The following UBE2R2 variants were observed in gnomAD, a reference collection of about 807,000 sequenced individuals.
The protein encoded by UBE2R2 is ubiquitin conjugating enzyme E2 R2, also known as ubiquitin-conjugating enzyme E2 R2.
UBE2R2 carries 1 observed loss-of-function variant against 27.8 expected under a neutral mutation model. The ratio of observed to expected loss-of-function variants is 0.04; its 90% CI spans 0.01 to 0.17. The LOEUF is 0.17. Among genes scored for constraint, UBE2R2 ranks in the 10% least tolerant of loss-of-function variants. The pLI is 1.00. For missense variants in UBE2R2, 100 were observed against 291.0 expected (o/e 0.34, Z 4.78); for synonymous variants, 106 against 113.3 (o/e 0.94, Z 0.41).
intron 1 of UBE2R2, among the ~76,000 whole-genome samples, chr9:33,839,876 A>G (rs1820695036): frequency 6.6e-6 from 1 of 152,066 alleles, no homozygotes; most frequent in Non-Finnish European, 1.5e-5. Context: ...TCTACCTGTA[A>G]TCTTAGCTAC....
At chr9:33,864,127 T>C (rs1418136442) in intron 1 of UBE2R2, among the ~76,000 whole-genome samples, 2 of 152,142 alleles carry the variant, frequency 1.3e-5, no homozygotes, top group East Asian at 3.8e-4. Context: ...ATGTCTGGCC[T>C]GATTACTAAT....
At chr9:33,861,321 A>C (rs977294579) in intron 1 of UBE2R2, among the ~76,000 whole-genome samples, 3 of 150,658 alleles carry the variant, frequency 2.0e-5, no homozygotes, top group Non-Finnish European at 3.0e-5. Flanking sequence ...TAATCACAGC[A>C]CTTTGGGAGG....
At chr9:33,868,126 T>G (rs1821403281) in intron 1 of UBE2R2, among the ~76,000 whole-genome samples, 1 of 152,166 alleles carries the variant, frequency 6.6e-6, no homozygotes, top group Non-Finnish European at 1.5e-5. Context: ...TCCCTGAAGC[T>G]GGGCTGTCTC....
Position 33,902,008 on chromosome 9 carries a change from G to A in UBE2R2, c.362+1737G>A, listed in dbSNP as rs147342442. On this transcript the variant is annotated intron_variant, in intron 3 of 4. Coordinates refer to ENST00000263228, the MANE Select transcript of UBE2R2 (RefSeq NM_017811.4). ...GGCTCAGCACAGCCTCAACCTCCCG[G>A]GCTTGAGCAATCCTTCCACTTTAGT... Among the ~76,000 whole-genome samples, 111 of 150,880 alleles carry A rather than the reference G, an allele frequency of 7.4e-4. 1 individual carries two copies. The East Asian group carries it at 0.02, about 27-fold the overall frequency.
chr9:33,817,730 C>A lies in UBE2R2; in HGVS notation c.-28C>A, dbSNP rs1410135834. On this transcript the variant is annotated 5_prime_UTR_variant, in exon 1 of 5. Transcript: ENST00000263228. ...GTGCGTGAGGACTGGGGCCCGGGCCCGGCGCCGCCGCCGCCGCCGCCGCCG... is the reference window on the plus strand; with the variant it reads ...GTGCGTGAGGACTGGGGCCCGGGCCAGGCGCCGCCGCCGCCGCCGCCGCCG... 1 of 1,494,684 alleles carries A rather than the reference C, an allele frequency of 6.7e-7. No individual in the cohort carries two copies. The highest frequency in any genetic ancestry group is 8.9e-7 in the Non-Finnish European group (1 of 1,120,678). The allele number at this position is 1,494,684 out of a possible 1,614,324, so 92.6% of individuals were successfully genotyped here. A position where few individuals can be genotyped will look rare whatever the true frequency, so the allele number is the denominator to read the frequency against.
chr9:33,877,799 C>CTCTGTCTG lies in UBE2R2; in HGVS notation c.178-9062_178-9055dup, dbSNP rs546643488. Among the ~76,000 whole-genome samples the CTCTGTCTG allele has an allele frequency of 2.6e-3, 375 of 145,034 alleles. 4 individuals are homozygous for CTCTGTCTG. Among genetic ancestry groups the CTCTGTCTG allele is most frequent in the Middle Eastern group, 6.8e-3 (2 of 292 alleles). On this transcript the variant is annotated intron_variant, in intron 1 of 4. Coordinates refer to ENST00000263228, the MANE Select transcript of UBE2R2 (RefSeq NM_017811.4). Reference sequence around the variant, plus strand: ...AACAGCCTTCATGATTTTTGCCCCTCTCTGTCTGTCTGTCTGTCTGTCTGT... The same window carrying CTCTGTCTG: ...AACAGCCTTCATGATTTTTGCCCCTCTCTGTCTGTCTGTCTGTCTGTCTGTCTGTCTGT...
chr9:33,826,193 C>T (rs528462306), intron 1 of UBE2R2, among the ~76,000 whole-genome samples: 5 of 151,782 alleles, frequency 3.3e-5, no homozygotes, highest in African/African-American at 1.2e-4. Flanking sequence ...AAAATTTAAC[C>T]TCTTTGATTG....
intron 4 of UBE2R2, among the ~76,000 whole-genome samples, chr9:33,915,145 A>T (rs1564008189): frequency 6.6e-6 from 1 of 151,100 alleles, no homozygotes; most frequent in Non-Finnish European, 1.5e-5. Context: ...AAAAAAAAAA[A>T]TCAAATAGTT....
At chr9:33,844,015 G>T (rs1218632924) in intron 1 of UBE2R2, among the ~76,000 whole-genome samples, 1 of 152,104 alleles carries the variant, frequency 6.6e-6, no homozygotes, top group Admixed American at 6.6e-5. Flanking sequence ...GATAGTTGAG[G>T]TTACTTCTTC....
chr9:33,888,849 A>G (rs1821920568), intron 2 of UBE2R2, among the ~76,000 whole-genome samples: 1 of 151,974 alleles, frequency 6.6e-6, no homozygotes, highest in African/African-American at 2.4e-5. Flanking sequence ...GAAATGGAGA[A>G]CTCGCTCTAG....
chr9:33,829,395 T>G (rs1820393727), intron 1 of UBE2R2, among the ~76,000 whole-genome samples: 1 of 152,098 alleles, frequency 6.6e-6, no homozygotes, highest in African/African-American at 2.4e-5. Flanking sequence ...GGTGGAAGAA[T>G]GGAGGCAGCT....
At chr9:33,911,174 TGAG>T (rs1166512961) in intron 3 of UBE2R2, among the ~76,000 whole-genome samples, 4 of 151,670 alleles carry the variant, frequency 2.6e-5, no homozygotes, top group South Asian at 2.1e-4. Flanking sequence ...TTTGGGAGGT[TGAG>T]GAGGGCGGAT....
chr9:33,878,612 C>T (rs1821666168), intron 1 of UBE2R2, among the ~76,000 whole-genome samples: 5 of 151,922 alleles, frequency 3.3e-5, no homozygotes, highest in Admixed American at 2.0e-4. Context: ...AGTGAGACCC[C>T]GTCTCAAATT....
intron 4 of UBE2R2, among the ~76,000 whole-genome samples, chr9:33,915,071 A>T (rs1822608561): frequency 6.6e-6 from 1 of 151,822 alleles, no homozygotes; most frequent in African/African-American, 2.4e-5. Context: ...CAGAGGTTGC[A>T]ATGAGCTGAG....
chr9:33,821,063 A>T (rs1246672427), intron 1 of UBE2R2, among the ~76,000 whole-genome samples: 1 of 152,208 alleles, frequency 6.6e-6, no homozygotes, highest in Admixed American at 6.5e-5. Context: ...TTATTTTGCT[A>T]CCTAAGCAAG....
upstream of UBE2R2, among the ~76,000 whole-genome samples, chr9:33,815,687 T>C (rs547466856): frequency 6.4e-4 from 97 of 152,198 alleles, no homozygotes; most frequent in South Asian, 4.8e-3. Flanking sequence ...ACTGCTAGAG[T>C]GAGCTATAAT....
chr9:33,868,293 C>T (rs1821407752), intron 1 of UBE2R2, among the ~76,000 whole-genome samples: 1 of 152,080 alleles, frequency 6.6e-6, no homozygotes, highest in Admixed American at 6.6e-5. Context: ...AAAAAGGCAA[C>T]ATTTGGGCTG....
intron 1 of UBE2R2, among the ~76,000 whole-genome samples, chr9:33,850,978 T>G (rs1563988062): frequency 6.6e-6 from 1 of 152,244 alleles, no homozygotes; most frequent in Non-Finnish European, 1.5e-5. Flanking sequence ...AGAGTTCAGT[T>G]CATAATCATA....
intron 4 of UBE2R2, among the ~76,000 whole-genome samples, chr9:33,915,966 C>T (rs1822631508): frequency 6.6e-6 from 1 of 152,070 alleles, no homozygotes; most frequent in African/African-American, 2.4e-5. Context: ...GCAACTGGTC[C>T]AGACAGAAAA....
Sources: gnomAD v4.1 joint callset for allele counts (sites outside exome capture counted in the v4.1 genomes callset) on GRCh38, gnomAD v4.1.1 for gene constraint, MANE v1.5 for transcripts, NCBI Gene and HGNC (gene_info 2026-07-23, HGNC 2026-07-21) for gene names.